The following MTFR2 variants were observed in gnomAD, a reference collection of about 807,000 sequenced individuals.
MTFR2 encodes the protein mitochondrial fission regulator 2.
Under a neutral mutation model 41.2 loss-of-function variants are expected in MTFR2, and 44 were observed. That is an observed-to-expected ratio of 1.07 (90% confidence interval 0.84 to 1.37). The LOEUF (loss-of-function observed/expected upper bound fraction) is 1.37, where lower values mean the gene tolerates loss of function less well. Among genes scored for constraint, MTFR2 ranks in the 40% most tolerant of loss-of-function variants. MTFR2 has a pLI of 0.00. For missense variants in MTFR2, 452 were observed against 459.5 expected, an observed-to-expected ratio of 0.98 and a Z score of 0.15; for synonymous variants, 141 against 154.6, an observed-to-expected ratio of 0.91 and a Z score of 0.65.
rs545444672 is a variant in MTFR2 at position 136,231,263 on chromosome 6, C to G, written c.*12G>C. ...AAGTTTTGGAAGTTTAAAGCTCAAC[C>G]TTAAGTTGAGTTTAAATCCTTGAGT... On this transcript the variant is annotated 3_prime_UTR_variant, in exon 8 of 8. Transcript: ENST00000420702. The G allele has an allele frequency of 6.5e-7, 1 of 1,550,000 alleles. No individual in the cohort carries two copies. The highest frequency in any genetic ancestry group is 1.4e-5 in the African/African-American group (1 of 73,486).
intron 5 of MTFR2, among the ~76,000 whole-genome samples, chr6:136,240,022 A>G (rs914118172): frequency 2.6e-5 from 4 of 152,132 alleles, no homozygotes; most frequent in African/African-American, 9.7e-5. Flanking sequence ...TCCAGTTAGG[A>G]ATTTTCAGTG....
chr6:136,234,758 C>T (rs1007076480), intron 6 of MTFR2, among the ~76,000 whole-genome samples: 4 of 152,272 alleles, frequency 2.6e-5, no homozygotes, highest in Admixed American at 2.0e-4. Context: ...GAGGCTGCTG[C>T]GGAAGTCTAA....
intron 3 of MTFR2, among the ~76,000 whole-genome samples, chr6:136,243,730 A>T (rs956621798): frequency 3.3e-5 from 5 of 151,630 alleles, no homozygotes; most frequent in Non-Finnish European, 7.4e-5. Flanking sequence ...AAAAAAAAAA[A>T]AGTTAACTAT....
chr6:136,247,008 T>C (rs1460898167), intron 2 of MTFR2, among the ~76,000 whole-genome samples: 1 of 152,156 alleles, frequency 6.6e-6, no homozygotes, highest in East Asian at 1.9e-4. Flanking sequence ...ACCGAGAACT[T>C]CAACTTGACA....
chr6:136,233,446 T>C lies in MTFR2; in HGVS notation c.923A>G (p.Asp308Gly). ...HKRKRQNSHW[D>G]PVSLISHALK... ...TGCATGAGATATTAAAGAAACTGGATCCCAATGTGAATTCTGTCTTTTCCT... is the reference window on the plus strand; with the variant it reads ...TGCATGAGATATTAAAGAAACTGGACCCCAATGTGAATTCTGTCTTTTCCT... Residue 308 changes from aspartate (D) to glycine (G), a missense_variant, in exon 7 of 8, where the codon GAT (aspartate) becomes GGT (glycine). Transcript: ENST00000420702. 1 of 1,594,822 alleles carries C rather than the reference T, an allele frequency of 6.3e-7. No individual in the cohort carries two copies. The highest frequency in any genetic ancestry group is 8.6e-7 in the Non-Finnish European group (1 of 1,166,776).
At position 136,239,833 on chromosome 6, in the gene MTFR2, TG is replaced by T. The variant is rs759192556; in HGVS notation, c.515-14del. ...AAGCCAAAGGAACCTACAAACAAAG[TG>T]GTTTATTACAAAATCATGCACAATT... On this transcript the variant is annotated splice_polypyrimidine_tract_variant and intron_variant, in intron 5 of 7. Transcript: ENST00000420702. The T allele has an allele frequency of 1.9e-6, 3 of 1,585,014 alleles. No homozygotes were observed. The highest frequency in any genetic ancestry group is 1.4e-5 in the African/African-American group (1 of 73,568).
At position 136,241,084 on chromosome 6, in the gene MTFR2, G is replaced by C. The variant is rs554745255; in HGVS notation, c.514+360C>G. 5.5e-3 allele frequency among the ~76,000 whole-genome samples: 806 copies of C among 145,472 alleles called. 1 individual carries two copies. The highest frequency in any genetic ancestry group is 0.011 in the African/African-American group (406 of 38,616). ...CCAGCCTGGGCGACAGAGCAAGACT[G>C]CGTCTCAAAAAAAAAAAAAAAAAGC... On this transcript the variant is annotated intron_variant, in intron 5 of 7. Transcript: ENST00000420702.
intron 5 of MTFR2, among the ~76,000 whole-genome samples, chr6:136,240,560 T>C (rs1444558561): frequency 6.6e-6 from 1 of 152,182 alleles, no homozygotes; most frequent in Non-Finnish European, 1.5e-5. Context: ...TAGATTGCTT[T>C]ACATTTTATA....
chr6:136,233,647 G>T (rs576405096), intron 6 of MTFR2, 148 bp from the exon 7 acceptor site: 5 of 641,136 alleles, frequency 7.8e-6, no homozygotes, highest in Non-Finnish European at 1.2e-5. Context: ...AGAAATTTTC[G>T]CAATGAAATA....
At chr6:136,240,767 TA>T (rs1780033751) in intron 5 of MTFR2, among the ~76,000 whole-genome samples, 1 of 152,194 alleles carries the variant, frequency 6.6e-6, no homozygotes, top group Non-Finnish European at 1.5e-5. Context: ...TCTTCCTCTT[TA>T]ATATCCAATG....
At chr6:136,235,180 G>A (rs1779872530) in intron 6 of MTFR2, among the ~76,000 whole-genome samples, 2 of 151,400 alleles carry the variant, frequency 1.3e-5, no homozygotes, top group Non-Finnish European at 1.5e-5. Context: ...GTGAGCCACC[G>A]CACCTGGCCT....
chr6:136,243,870 C>G (rs1780149116), intron 3 of MTFR2, among the ~76,000 whole-genome samples: 1 of 152,136 alleles, frequency 6.6e-6, no homozygotes, highest in East Asian at 1.9e-4. Context: ...AGGTAGAAGG[C>G]AGTGATATTG....
At chr6:136,238,834 A>AGG (rs1779972966) in intron 6 of MTFR2, among the ~76,000 whole-genome samples, 1 of 152,134 alleles carries the variant, frequency 6.6e-6, no homozygotes, top group African/African-American at 2.4e-5. Flanking sequence ...TGGGAGGCCA[A>AGG]CATGGGCAGA....
At chr6:136,236,395 G>A (rs1169443286) in intron 6 of MTFR2, among the ~76,000 whole-genome samples, 1 of 152,188 alleles carries the variant, frequency 6.6e-6, no homozygotes, top group Non-Finnish European at 1.5e-5. Flanking sequence ...GGAATCTGTA[G>A]GTGTAAAGAG....
intron 5 of MTFR2, among the ~76,000 whole-genome samples, chr6:136,241,096 A>G (rs1244911171): frequency 6.6e-6 from 1 of 152,088 alleles, no homozygotes; most frequent in African/African-American, 2.4e-5. Context: ...GTCTCAAAAA[A>G]AAAAAAAAAA....
In MTFR2 at chr6:136,250,301, A is replaced by ACAGGACTGCTACTTCCGCATCC. The variant is rs1182531780; in HGVS notation, c.-381_-380insGGATGCGGAAGTAGCAGTCCTG. ...AGGACCGGACTGCTACTTCCGCATGACAGGACTGCTACTTCCGCATCCCAG... is the reference window on the plus strand; with the variant it reads ...AGGACCGGACTGCTACTTCCGCATGACAGGACTGCTACTTCCGCATCCCAGGACTGCTACTTCCGCATCCCAG... On this transcript the variant is annotated 5_prime_UTR_variant, in exon 1 of 8. In the 5' UTR this introduces an upstream ATG that the reference lacks. Transcript: ENST00000420702. The ACAGGACTGCTACTTCCGCATCC allele has an allele frequency of 1.3e-5, 2 of 152,470 alleles. No individual in the cohort carries two copies. The highest frequency in any genetic ancestry group is 1.9e-4 in the East Asian group (1 of 5,180). 9.4% of individuals were successfully genotyped at this position (152,470 alleles called of 1,614,324 possible). A position where few individuals can be genotyped will look rare whatever the true frequency, so the allele number is the denominator to read the frequency against.
At chr6:136,233,184 C>A in intron 7 of MTFR2, 141 bp downstream of exon 7, 3 of 597,358 alleles carry the variant, frequency 5.0e-6, no homozygotes, top group South Asian at 3.9e-5. Flanking sequence ...CAAAAAAACC[C>A]CAGAAACATT....
At chr6:136,244,665 C>T in intron 3 of MTFR2, 100 bp downstream of exon 3, 2 of 799,112 alleles carry the variant, frequency 2.5e-6, no homozygotes, top group Non-Finnish European at 4.0e-6. Context: ...TTTTGGCTTG[C>T]AGGAAATGTT....
chr6:136,233,455 G>A lies in MTFR2; in HGVS notation c.914C>T (p.Ser305Leu), dbSNP rs1394947036. 6.3e-7 allele frequency: 1 copy of A among 1,588,588 alleles called. No homozygotes were observed. ...TATTAAAGAAACTGGATCCCAATGT[G>A]AATTCTGTCTTTTCCTCTTATGAAT... ...RPIHKRKRQN[S>L]HWDPVSLISH... is the part of the protein sequence containing the mutation. Residue 305 changes from serine (S) to leucine (L), a missense_variant, in exon 7 of 8, where the codon TCA (serine) becomes TTA (leucine). Ser to Leu is a moderately radical substitution (Grantham distance 145, BLOSUM62 -2). Coordinates refer to ENST00000420702, the MANE Select transcript of MTFR2 (RefSeq NM_001099286.3).
Sources: gnomAD v4.1 joint callset for allele counts (sites outside exome capture counted in the v4.1 genomes callset) on GRCh38, gnomAD v4.1.1 for gene constraint, MANE v1.5 for transcripts, NCBI Gene and HGNC (gene_info 2026-07-23, HGNC 2026-07-21) for gene names.